MDGA2: variants seen among roughly 807,000 people sequenced by gnomAD.
MDGA2 encodes the protein MAM domain containing glycosylphosphatidylinositol anchor 2, also known as MAM domain-containing glycosylphosphatidylinositol anchor protein 2.
A neutral mutation model predicts 117.8 loss-of-function variants in MDGA2; 40 were observed. That is an observed-to-expected ratio of 0.34 (90% confidence interval 0.26 to 0.44). The LOEUF (loss-of-function observed/expected upper bound fraction) is 0.44, where lower values mean the gene tolerates loss of function less well. Ranked by LOEUF, MDGA2 falls within the 20% of genes least tolerant of loss-of-function variation. MDGA2 has a pLI of 1.00. For missense variants in MDGA2, 1,123 were observed against 1,250.6 expected, an observed-to-expected ratio of 0.90 and a Z score of 1.54; for synonymous variants, 452 against 439.0, an observed-to-expected ratio of 1.03 and a Z score of -0.37.
chr14:46,922,615 C>T (rs1884175988), intron 9 of MDGA2, among the ~76,000 whole-genome samples: 1 of 152,042 alleles, frequency 6.6e-6, no homozygotes, highest in African/African-American at 2.4e-5. Flanking sequence ...AAGGTGGTGA[C>T]CAGGAATCCA....
chr14:46,854,691 T>G (rs1247582995), intron 15 of MDGA2, among the ~76,000 whole-genome samples: 2 of 151,894 alleles, frequency 1.3e-5, no homozygotes, highest in Non-Finnish European at 2.9e-5. Context: ...CCAAGTTCCA[T>G]TATTATAGAA....
At chr14:47,181,198 G>A (rs1478857995) in intron 3 of MDGA2, among the ~76,000 whole-genome samples, 1 of 152,126 alleles carries the variant, frequency 6.6e-6, no homozygotes, top group Non-Finnish European at 1.5e-5. Context: ...AGTCCTGCAT[G>A]CATTAGGTGT....
chr14:47,481,007 G>T (rs1893943360), intron 1 of MDGA2, among the ~76,000 whole-genome samples: 1 of 151,906 alleles, frequency 6.6e-6, no homozygotes, highest in Admixed American at 6.6e-5. Flanking sequence ...AAAACCCTGA[G>T]AAATTATGTC....
At chr14:47,364,674 T>C (rs1390256793) in intron 1 of MDGA2, among the ~76,000 whole-genome samples, 1 of 152,254 alleles carries the variant, frequency 6.6e-6, no homozygotes, top group Non-Finnish European at 1.5e-5. Context: ...CTTTGTTTTG[T>C]TGGTGTTATT....
intron 2 of MDGA2, among the ~76,000 whole-genome samples, chr14:47,243,063 C>T (rs1043778765): frequency 6.6e-6 from 1 of 151,378 alleles, no homozygotes; most frequent in Non-Finnish European, 1.5e-5. Flanking sequence ...TTACATCTAG[C>T]TCAAGGATTA....
intron 1 of MDGA2, among the ~76,000 whole-genome samples, chr14:47,338,146 T>A (rs1284466022): frequency 6.6e-6 from 1 of 152,048 alleles, no homozygotes; most frequent in Non-Finnish European, 1.5e-5. Context: ...ATAGCTGTTA[T>A]ACCTTAATTG....
intron 1 of MDGA2, among the ~76,000 whole-genome samples, chr14:47,499,404 G>C (rs1038170465): frequency 2.6e-5 from 4 of 152,094 alleles, no homozygotes; most frequent in African/African-American, 9.7e-5. Flanking sequence ...TGCAAATATA[G>C]TTCTTTCTCC....
Position 46,882,137 on chromosome 14 carries a change from C to G in MDGA2, c.2323G>C (p.Glu775Gln). 1.9e-6 allele frequency: 3 copies of G among 1,612,444 alleles called. No homozygotes were observed. The highest frequency in any genetic ancestry group is 2.5e-6 in the Non-Finnish European group (3 of 1,178,970). The change falls in exon 11 of 17, where the codon GAG (glutamate) becomes CAG (glutamine). Residue 775 changes from glutamate to glutamine, a missense_variant. Around this residue, in one of 2 missense-constraint regions of MDGA2, gnomAD observed 890 missense variants for 1,050.3 expected, o/e 0.85. Transcript: ENST00000399232. ...KGELITYNLT[E>Q]LIKPEAYEVR... ...TCATAAGCTTCTGGTTTAATTAGCT[C>G]TGTCAAGTTATATGTAATTAATTCT...
At chr14:46,873,253 C>T in intron 14 of MDGA2, 180 bp downstream of exon 14, 1 of 510,690 alleles carries the variant, frequency 2.0e-6, no homozygotes, top group Non-Finnish European at 3.3e-6. Context: ...AATTCCAAAT[C>T]TAAATTAGAT....
intron 1 of MDGA2, among the ~76,000 whole-genome samples, chr14:47,542,059 A>T (rs1419058176): frequency 1.3e-5 from 2 of 152,226 alleles, no homozygotes; most frequent in Non-Finnish European, 2.9e-5. Context: ...TAATATAGAG[A>T]CACAGAGAGA....
At chr14:47,062,980 C>G (rs1398569659) in intron 6 of MDGA2, among the ~76,000 whole-genome samples, 1 of 151,988 alleles carries the variant, frequency 6.6e-6, no homozygotes, top group East Asian at 1.9e-4. Flanking sequence ...AAGGGCTCCT[C>G]CTCAAGACTA....
At chr14:47,302,194 C>A (rs1425700234) in intron 1 of MDGA2, among the ~76,000 whole-genome samples, 1 of 152,112 alleles carries the variant, frequency 6.6e-6, no homozygotes, top group Non-Finnish European at 1.5e-5. Context: ...TAAAGCTGCC[C>A]AAATTTCTAA....
rs117111868 is a variant in MDGA2, at chr14:47,669,197, C to G, written c.280+5320G>C. On this transcript the variant is annotated intron_variant, in intron 1 of 16. Coordinates refer to ENST00000399232, the MANE Select transcript of MDGA2 (RefSeq NM_001113498.3). ...TTCTCAACCAGGGTTTAAGGTGTTT[C>G]ACAACTATAAAACAAAAATAAAAAT... is the stretch of plus-strand genomic sequence containing the variant. 2.4e-3 allele frequency among the ~76,000 whole-genome samples: 363 copies of G among 152,126 alleles called. 2 individuals are homozygous for G. The highest frequency in any genetic ancestry group is 4.0e-3 in the Non-Finnish European group (271 of 67,988).
chr14:47,587,237 C>T (rs147729353), intron 1 of MDGA2, among the ~76,000 whole-genome samples: 47 of 151,820 alleles, frequency 3.1e-4, no homozygotes, highest in Middle Eastern at 3.4e-3. Context: ...TGTACAAAAA[C>T]GACCCATTTC....
chr14:47,413,653 A>G (rs776080926), intron 1 of MDGA2, among the ~76,000 whole-genome samples: 32 of 146,034 alleles, frequency 2.2e-4, no homozygotes, highest in Non-Finnish European at 4.2e-4. Context: ...TATATTTATT[A>G]TAAGTAATAG....
chr14:47,674,309 G>C (rs764513881), intron 1 of MDGA2, among the ~76,000 whole-genome samples: 1 of 152,188 alleles, frequency 6.6e-6, no homozygotes, highest in Admixed American at 6.5e-5. Flanking sequence ...ACCCAACTCC[G>C]AGCCAGAGCC....
At chr14:47,277,948 G>A (rs529960076) in intron 2 of MDGA2, among the ~76,000 whole-genome samples, 27 of 152,030 alleles carry the variant, frequency 1.8e-4, no homozygotes, top group African/African-American at 6.5e-4. Flanking sequence ...GAGATGAAGA[G>A]GAAGCAAAAA....
In MDGA2 at chr14:47,144,278, A is replaced by C; in HGVS notation, c.596-4T>G. The C allele has an allele frequency of 1.9e-6, 3 of 1,544,720 alleles. No homozygotes were observed. Among genetic ancestry groups the C allele is most frequent in the Non-Finnish European group, 2.6e-6 (3 of 1,143,240 alleles). ...GTTACTACTGGATCATCCAAATCTA[A>C]AGGAAATAAAAACAACCAAATGGCA... On this transcript the variant is annotated splice_polypyrimidine_tract_variant and splice_region_variant and intron_variant, in intron 3 of 16. Coordinates refer to ENST00000399232, the MANE Select transcript of MDGA2 (RefSeq NM_001113498.3).
intron 2 of MDGA2, among the ~76,000 whole-genome samples, chr14:47,226,719 A>G (rs936086124): frequency 1.3e-5 from 2 of 152,128 alleles, no homozygotes; most frequent in Admixed American, 6.5e-5. Flanking sequence ...CTGCCAAGAC[A>G]TTACTCTTGG....
Sources: allele counts gnomAD v4.1 joint callset (sites outside exome capture counted in the v4.1 genomes callset), GRCh38; gene constraint gnomAD v4.1.1; regional missense constraint gnomAD v4.1.1; transcripts MANE v1.5; gene names NCBI Gene and HGNC (gene_info 2026-07-23, HGNC 2026-07-21).